The following USP6NL variants were observed in gnomAD, a reference collection of about 807,000 sequenced individuals.
USP6NL encodes USP6 N-terminal like, also known as USP6 N-terminal-like protein.
In USP6NL, 26 loss-of-function variants were observed where a neutral mutation model predicts 61.9. The observed-to-expected ratio is 0.42, with a 90% CI of 0.31 to 0.58. USP6NL has a LOEUF of 0.58. USP6NL is among the 20% of genes least tolerant of loss of function. The pLI is 0.16. For synonymous variants in USP6NL, 432 were observed against 390.1 expected, an observed-to-expected ratio of 1.11 and a Z score of -1.27; for missense variants, 1,114 against 1,034.3, an observed-to-expected ratio of 1.08 and a Z score of -1.06.
intron 2 of USP6NL, among the ~76,000 whole-genome samples, chr10:11,555,093 T>C (rs1591922196): frequency 4.3e-5 from 1 of 23,440 alleles, no homozygotes; most frequent in Admixed American, 3.3e-4. Flanking sequence ...GCCTGGCCTG[T>C]TTTTTTTTTT....
chr10:11,569,683 A>C (rs1837290709), intron 2 of USP6NL, among the ~76,000 whole-genome samples: 1 of 152,216 alleles, frequency 6.6e-6, no homozygotes, highest in Non-Finnish European at 1.5e-5. Flanking sequence ...CACATTTGGG[A>C]AGCAGCAAGT....
chr10:11,531,006 G>A (rs1292870335), intron 2 of USP6NL, among the ~76,000 whole-genome samples: 1 of 152,196 alleles, frequency 6.6e-6, no homozygotes, highest in Non-Finnish European at 1.5e-5. Context: ...GTGTGCACAT[G>A]TGAACAAAGT....
intron 14 of USP6NL, among the ~76,000 whole-genome samples, chr10:11,477,582 G>C (rs1361083610): frequency 6.6e-6 from 1 of 152,166 alleles, no homozygotes; most frequent in African/African-American, 2.4e-5. Flanking sequence ...CCAGAACACA[G>C]AGAAAGAAGG....
chr10:11,531,859 T>C (rs1227132510), intron 2 of USP6NL, among the ~76,000 whole-genome samples: 6 of 152,178 alleles, frequency 3.9e-5, no homozygotes, highest in Non-Finnish European at 7.3e-5. Context: ...GCACAATTTA[T>C]AGAAGAAAAT....
rs2096212380 is a variant in USP6NL, at chr10:11,461,010, G to A, written c.*1431C>T. Reference sequence around the variant, plus strand: ...TGTCACATTCACTAGCTAAACAAACGTTACTTCCATTTTAAAAGACATACT... The same window carrying A: ...TGTCACATTCACTAGCTAAACAAACATTACTTCCATTTTAAAAGACATACT... On this transcript the variant is annotated 3_prime_UTR_variant, in exon 15 of 15. Coordinates refer to ENST00000609104, the MANE Select transcript of USP6NL (RefSeq NM_014688.5). 1 of 152,114 alleles carries A rather than the reference G, an allele frequency of 6.6e-6. No individual in the cohort carries two copies. The highest frequency in any genetic ancestry group is 1.5e-5 in the Non-Finnish European group (1 of 68,000). 9.4% of individuals were successfully genotyped at this position (152,114 alleles called of 1,614,324 possible).
intron 2 of USP6NL, among the ~76,000 whole-genome samples, chr10:11,568,174 T>TGC (rs1555172414): frequency 5.7e-4 from 77 of 135,232 alleles, no homozygotes; most frequent in African/African-American, 1.2e-3. Flanking sequence ...TGTGTGTGTG[T>TGC]GCGCGCGCGC....
At chr10:11,577,765 T>G (rs900541616) in intron 2 of USP6NL, among the ~76,000 whole-genome samples, 1 of 151,826 alleles carries the variant, frequency 6.6e-6, no homozygotes, top group Non-Finnish European at 1.5e-5. Flanking sequence ...CCCCCCAAAG[T>G]ACTGGGATTA....
intron 1 of USP6NL, among the ~76,000 whole-genome samples, chr10:11,609,721 A>C (rs1838821296): frequency 6.6e-6 from 1 of 152,194 alleles, no homozygotes; most frequent in Non-Finnish European, 1.5e-5. Context: ...GCAAAGATGG[A>C]CCAAGGCAAC....
At chr10:11,503,402 A>C (rs1440285139) in intron 6 of USP6NL, among the ~76,000 whole-genome samples, 1 of 152,176 alleles carries the variant, frequency 6.6e-6, no homozygotes, top group Non-Finnish European at 1.5e-5. Context: ...ATTTATCTTA[A>C]AGTTAAATCT....
rs188313119 is a variant in USP6NL at position 11,596,711 on chromosome 10, T to C, written c.4+920A>G. The stretch of plus-strand genomic sequence containing the variant: ...TCTTCAAAGTACACTACCGAAAAAG[T>C]ATACCACTGAAAAGTCAAAAATCAA... On this transcript the variant is annotated intron_variant, in intron 2 of 14. Transcript: ENST00000609104. The surrounding 1 kb of genome is among the most constrained non-coding windows in gnomAD (Gnocchi z 4.1). Among the ~76,000 whole-genome samples, 533 of 151,974 alleles carry C rather than the reference T, an allele frequency of 3.5e-3. 3 individuals carry two copies. Among genetic ancestry groups the C allele is most frequent in the Middle Eastern group, 0.021 (6 of 292 alleles).
chr10:11,541,495 G>C (rs963785607), intron 2 of USP6NL, among the ~76,000 whole-genome samples: 4 of 151,940 alleles, frequency 2.6e-5, no homozygotes, highest in African/African-American at 9.7e-5. Context: ...TCTTAAGTTA[G>C]AGAAGTGGCA....
chr10:11,527,736 T>C (rs956941162), intron 2 of USP6NL, among the ~76,000 whole-genome samples, 169 bp from the exon 3 acceptor site: 2 of 152,190 alleles, frequency 1.3e-5, no homozygotes, highest in African/African-American at 2.4e-5. Context: ...AACTTTGTAA[T>C]AGCAATACAT....
Position 11,527,575 on chromosome 10 carries a change from G to C in USP6NL, c.5-8C>G, listed in dbSNP as rs747596973. On this transcript the variant is annotated splice_region_variant and splice_polypyrimidine_tract_variant and intron_variant, in intron 2 of 14. Transcript: ENST00000609104. ...CTACATCCTGGTCTGAATCTGTGGAGAAGACATCAAATTTAGATGAATTGT... is the reference window on the plus strand; with the variant it reads ...CTACATCCTGGTCTGAATCTGTGGACAAGACATCAAATTTAGATGAATTGT... 8.7e-6 allele frequency: 14 copies of C among 1,604,638 alleles called. No homozygotes were observed. In the African/African-American group the frequency reaches 1.9e-4, roughly 21 times the overall value.
At position 11,575,687 on chromosome 10, in the gene USP6NL, GCAAT is replaced by G. The variant is rs887282805; in HGVS notation, c.4+21940_4+21943del. ...ACTGTCAATGCTTAGCTTCTGCTAAGCAATCAATAGCTTTTTCTTGTTTCTCTCA... is the reference window on the plus strand; with the variant it reads ...ACTGTCAATGCTTAGCTTCTGCTAAGCAATAGCTTTTTCTTGTTTCTCTCA... On this transcript the variant is annotated intron_variant, in intron 2 of 14. Transcript: ENST00000609104. This position sits in a 1 kb window ranked among gnomAD's most constrained non-coding sequence, Gnocchi z 4.2. Among the ~76,000 whole-genome samples, 4 of 152,308 alleles carry G rather than the reference GCAAT, an allele frequency of 2.6e-5. No homozygotes were observed. Among genetic ancestry groups the G allele is most frequent in the Admixed American group, 1.3e-4 (2 of 15,296 alleles).
Position 11,562,981 on chromosome 10 carries a change from T to C in USP6NL, c.4+34650A>G, listed in dbSNP as rs948315270. Among the ~76,000 whole-genome samples, 12 of 151,858 alleles carry C rather than the reference T, an allele frequency of 7.9e-5. No homozygotes were observed. The highest frequency in any genetic ancestry group is 1.3e-4 in the Non-Finnish European group (9 of 67,998). The stretch of plus-strand genomic sequence containing the variant: ...AATCTGAATGTTCATAGTAGCTTTA[T>C]TTGTAATAGTAAAAAAAATAAAAAA... On this transcript the variant is annotated intron_variant, in intron 2 of 14. Transcript: ENST00000609104. The surrounding 1 kb of genome is among the most constrained non-coding windows in gnomAD (Gnocchi z 4.8).
At chr10:11,552,916 C>T (rs1836547718) in intron 2 of USP6NL, among the ~76,000 whole-genome samples, 1 of 152,064 alleles carries the variant, frequency 6.6e-6, no homozygotes, top group African/African-American at 2.4e-5. Context: ...TTAGTGTACC[C>T]ATTACCCCAA....
In USP6NL at chr10:11,462,645, T is replaced by C; in HGVS notation, c.2283A>G (p.Leu761=). The change falls in exon 15 of 15, where the codon TTA becomes TTG. Residue 761 remains leucine (L), a synonymous_variant. Transcript: ENST00000609104. ...SWTRDASRGN[L]PKYSAFQLAP... ...CGAGTTGAAAGGCTGAGTATTTTGG[T>C]AAATTGCCACGGCTAGCATCTCGGG... is the stretch of plus-strand genomic sequence containing the variant. 6.2e-7 allele frequency: 1 copy of C among 1,614,030 alleles called. No individual in the cohort carries two copies. Among genetic ancestry groups the C allele is most frequent in the Non-Finnish European group, 8.5e-7 (1 of 1,179,894 alleles).
rs1476961937 is a variant in USP6NL at position 11,479,571 on chromosome 10, T to C, written c.1078+2199A>G. 2.6e-5 allele frequency among the ~76,000 whole-genome samples: 4 copies of C among 151,838 alleles called. No homozygotes were observed. The East Asian group carries it at 7.7e-4, about 29-fold the overall frequency. ...GTGGCATGTTCATGTAGGTGTTTTT[T>C]TTTTTTTTGGTTTTTTTTTTTTGAG... On this transcript the variant is annotated intron_variant, in intron 14 of 14. Coordinates refer to ENST00000609104, the MANE Select transcript of USP6NL (RefSeq NM_014688.5).
At chr10:11,542,814 C>T (rs1180044234) in intron 2 of USP6NL, among the ~76,000 whole-genome samples, 1 of 152,130 alleles carries the variant, frequency 6.6e-6, no homozygotes, top group Non-Finnish European at 1.5e-5. Context: ...CAGAGACCCC[C>T]AGCAACAGGA....
Sources: gnomAD v4.1 joint callset for allele counts (sites outside exome capture counted in the v4.1 genomes callset) on GRCh38, gnomAD v4.1.1 for gene constraint, Gnocchi (gnomAD v3.1) non-coding constraint, MANE v1.5 for transcripts, NCBI Gene and HGNC (gene_info 2026-07-23, HGNC 2026-07-21) for gene names.